TMEM132D: variants seen among roughly 807,000 people sequenced by gnomAD.
TMEM132D encodes the protein mature OL transmembrane protein.
A neutral mutation model predicts 62.3 loss-of-function variants in TMEM132D; 21 were observed. That is an observed-to-expected ratio of 0.34 (90% CI 0.24 to 0.49). TMEM132D has a LOEUF of 0.49. TMEM132D is among the 20% of genes least tolerant of loss of function. The probability of loss-of-function intolerance (pLI) is 0.99; values close to 1 mark genes in which losing one functional copy is unlikely to be tolerated. For synonymous variants in TMEM132D, 621 were observed against 575.6 expected (o/e 1.08, Z -1.13); for missense variants, 1,346 against 1,402.8 (o/e 0.96, Z 0.65).
intron 1 of TMEM132D, among the ~76,000 whole-genome samples, chr12:129,835,129 C>T (rs1872964895): frequency 1.3e-5 from 2 of 152,038 alleles, no homozygotes; most frequent in South Asian, 2.1e-4. Flanking sequence ...GCATTAGGAT[C>T]GGCACCCATG....
At chr12:129,791,230 A>G (rs1374051716) in intron 1 of TMEM132D, among the ~76,000 whole-genome samples, 1 of 152,214 alleles carries the variant, frequency 6.6e-6, no homozygotes, top group African/African-American at 2.4e-5. Context: ...TTAGAATCAC[A>G]AAAGCCTACA....
chr12:129,482,166 C>A (rs1304225018), intron 3 of TMEM132D, among the ~76,000 whole-genome samples: 2 of 152,184 alleles, frequency 1.3e-5, no homozygotes, highest in East Asian at 3.9e-4. Context: ...CCAGCTGAGC[C>A]CCCAGGTGCC....
At position 129,736,974 on chromosome 12, in the gene TMEM132D, A is replaced by C. The variant is rs149430209; in HGVS notation, c.80-36276T>G. On this transcript the variant is annotated intron_variant, in intron 1 of 8. Coordinates refer to ENST00000422113, the MANE Select transcript of TMEM132D (RefSeq NM_133448.3). ...CTGGGATTACAGGCATGTGCCACCA[A>C]CGCCAGCCTATTTTTGTATTTTTTG... 8.3e-3 allele frequency among the ~76,000 whole-genome samples: 1,266 copies of C among 151,870 alleles called. 14 individuals carry two copies. The highest frequency in any genetic ancestry group is 0.029 in the African/African-American group (1,221 of 41,412).
chr12:129,835,224 A>C (rs914950217), intron 1 of TMEM132D, among the ~76,000 whole-genome samples: 2 of 152,168 alleles, frequency 1.3e-5, no homozygotes, highest in African/African-American at 4.8e-5. Flanking sequence ...GGTTAATGAC[A>C]GTCTGTCCTC....
chr12:129,504,327 T>C (rs1186372822), intron 3 of TMEM132D, among the ~76,000 whole-genome samples: 1 of 152,220 alleles, frequency 6.6e-6, no homozygotes, highest in Non-Finnish European at 1.5e-5. Flanking sequence ...TTGATACCAA[T>C]TCTTCTTTGA....
intron 1 of TMEM132D, among the ~76,000 whole-genome samples, chr12:129,874,858 G>T (rs965555519): frequency 6.6e-6 from 1 of 151,994 alleles, no homozygotes; most frequent in African/African-American, 2.4e-5. Context: ...GCGCCACCAC[G>T]CCCAGCTAAT....
intron 2 of TMEM132D, among the ~76,000 whole-genome samples, chr12:129,546,826 C>T (rs1876751896): frequency 1.3e-5 from 2 of 151,822 alleles, no homozygotes; most frequent in African/African-American, 2.4e-5. Flanking sequence ...AAGAAAAAAG[C>T]TGTAGACAAG....
At chr12:129,735,830 C>A (rs1364224993) in intron 1 of TMEM132D, among the ~76,000 whole-genome samples, 1 of 152,174 alleles carries the variant, frequency 6.6e-6, no homozygotes, top group Non-Finnish European at 1.5e-5. Flanking sequence ...GAATATGTGA[C>A]TTTGCAACCA....
intron 4 of TMEM132D, among the ~76,000 whole-genome samples, chr12:129,261,439 G>A (rs1383666626): frequency 6.6e-6 from 1 of 152,164 alleles, no homozygotes; most frequent in East Asian, 1.9e-4. Context: ...TGTAAGATGT[G>A]CCTTTGCTCC....
Position 129,659,325 on chromosome 12 carries a change from TGCAAGTTTTTCA to T in TMEM132D, c.968+40473_968+40484del, listed in dbSNP as rs537739697. Among the ~76,000 whole-genome samples, 115 of 152,292 alleles carry T rather than the reference TGCAAGTTTTTCA, an allele frequency of 7.6e-4. 3 individuals carry two copies. The South Asian group carries it at 0.023, about 31-fold the overall frequency. ...CTGATACAGTGATAGATAACCAGAA[TGCAAGTTTTTCA>T]GCAAGAATTCCAGCATGACAAAGCT... On this transcript the variant is annotated intron_variant, in intron 2 of 8. Coordinates refer to ENST00000422113, the MANE Select transcript of TMEM132D (RefSeq NM_133448.3).
At chr12:129,305,843 G>T (rs1034744380) in intron 4 of TMEM132D, among the ~76,000 whole-genome samples, 2 of 152,124 alleles carry the variant, frequency 1.3e-5, no homozygotes, top group Non-Finnish European at 2.9e-5. Context: ...ATCCATCTGG[G>T]TTTGCTATTA....
chr12:129,519,769 C>A (rs193244782), intron 3 of TMEM132D, among the ~76,000 whole-genome samples: 31 of 152,062 alleles, frequency 2.0e-4, no homozygotes, highest in African/African-American at 7.0e-4. Flanking sequence ...CCACCATGCC[C>A]AGCTACTTTT....
chr12:129,558,677 C>A (rs1877129303), intron 2 of TMEM132D, among the ~76,000 whole-genome samples: 1 of 152,142 alleles, frequency 6.6e-6, no homozygotes, highest in South Asian at 2.1e-4. Context: ...TTCTGAAATG[C>A]AGAAGAGAAT....
intron 7 of TMEM132D, among the ~76,000 whole-genome samples, chr12:129,081,009 C>T (rs551894280): frequency 2.0e-5 from 3 of 152,226 alleles, no homozygotes; most frequent in East Asian, 1.9e-4. Context: ...TCATCAGGCC[C>T]GCGGCTGTGA....
At chr12:129,417,270 G>T (rs570517436) in intron 3 of TMEM132D, among the ~76,000 whole-genome samples, 13 of 152,090 alleles carry the variant, frequency 8.5e-5, no homozygotes, top group Non-Finnish European at 1.8e-4. Context: ...GAACAAAGCT[G>T]GAGGCATCAT....
intron 2 of TMEM132D, among the ~76,000 whole-genome samples, chr12:129,600,244 T>G (rs1180624555): frequency 1.3e-5 from 2 of 152,242 alleles, no homozygotes; most frequent in Non-Finnish European, 2.9e-5. Flanking sequence ...TGTTCATCCA[T>G]AAGAAGCAAT....
chr12:129,154,326 T>C (rs982872489), intron 5 of TMEM132D, among the ~76,000 whole-genome samples: 1 of 152,192 alleles, frequency 6.6e-6, no homozygotes. Context: ...TTCTCATTTT[T>C]AGAAACCACA....
chr12:129,628,601 C>A (rs897554015), intron 2 of TMEM132D, among the ~76,000 whole-genome samples: 1 of 152,154 alleles, frequency 6.6e-6, no homozygotes, highest in Admixed American at 6.5e-5. Flanking sequence ...CAGACACAGC[C>A]CCCACCTTTG....
chr12:129,376,774 T>C (rs1230193208), intron 3 of TMEM132D, among the ~76,000 whole-genome samples: 1 of 152,216 alleles, frequency 6.6e-6, no homozygotes, highest in Non-Finnish European at 1.5e-5. Context: ...TTAATCTTGC[T>C]GGGTGTGCAA....
Sources: gnomAD v4.1 joint callset for allele counts (sites outside exome capture counted in the v4.1 genomes callset) on GRCh38, gnomAD v4.1.1 for gene constraint, MANE v1.5 for transcripts, NCBI Gene and HGNC (gene_info 2026-07-23, HGNC 2026-07-21) for gene names.